SGSM1: variants seen among roughly 807,000 people sequenced by gnomAD.
SGSM1 encodes small G protein signaling modulator 1.
SGSM1 carries 73 observed loss-of-function variants against 133.8 expected under a neutral mutation model. The observed-to-expected ratio is 0.55, with a 90% CI of 0.45 to 0.66. The LOEUF (loss-of-function observed/expected upper bound fraction) is 0.66, where lower values mean the gene tolerates loss of function less well. Among genes scored for constraint, SGSM1 ranks in the 30% least tolerant of loss-of-function variants. SGSM1 has a pLI of 0.00. For synonymous variants in SGSM1, 563 were observed against 573.0 expected, an observed-to-expected ratio of 0.98 and a Z score of 0.25; for missense variants, 1,213 against 1,448.1, an observed-to-expected ratio of 0.84 and a Z score of 2.64.
At chr22:24,861,628 A>G (rs1393345034) in intron 9 of SGSM1, among the ~76,000 whole-genome samples, 1 of 149,416 alleles carries the variant, frequency 6.7e-6, no homozygotes, top group Admixed American at 6.7e-5. Flanking sequence ...GCTCACTGCA[A>G]CCTCTGCTTC....
intron 2 of SGSM1, among the ~76,000 whole-genome samples, chr22:24,808,530 C>T (rs1230876443): frequency 4.6e-5 from 7 of 152,134 alleles, no homozygotes; most frequent in Non-Finnish European, 8.8e-5. Context: ...ACCAGACCTA[C>T]GTGTAATATG....
chr22:24,850,461 A>G (rs777110193), intron 5 of SGSM1, 29 bp downstream of exon 5: 27 of 1,610,346 alleles, frequency 1.7e-5, no homozygotes, highest in African/African-American at 8.0e-5. Flanking sequence ...ACACCTGGCC[A>G]TGCTCTGCCC....
In SGSM1 at chr22:24,836,459, G is replaced by A. The variant is rs141333441; in HGVS notation, c.64-8438G>A. Among the ~76,000 whole-genome samples the A allele has an allele frequency of 3.2e-4, 49 of 152,282 alleles. 1 individual carries two copies. The East Asian group carries it at 4.4e-3, about 14-fold the overall frequency. ...GAGACTCTGCCTTCAGTTCTTTTGG[G>A]TGTATGCCCAGAAGTGGAATGACTG... is the stretch of plus-strand genomic sequence containing the variant. On this transcript the variant is annotated intron_variant, in intron 2 of 24. Transcript: ENST00000400358.
At chr22:24,899,393 C>A (rs1933040050) in intron 19 of SGSM1, among the ~76,000 whole-genome samples, 1 of 152,114 alleles carries the variant, frequency 6.6e-6, no homozygotes, top group South Asian at 2.1e-4. Flanking sequence ...TTATCATTCA[C>A]AATCTTCCTC....
chr22:24,914,170 A>G (rs1933732819), intron 22 of SGSM1, among the ~76,000 whole-genome samples: 1 of 151,856 alleles, frequency 6.6e-6, no homozygotes, highest in African/African-American at 2.4e-5. Context: ...GCGGGTGCCT[A>G]AAGTCCCAGC....
chr22:24,870,422 T>C (rs1349235416), intron 12 of SGSM1, among the ~76,000 whole-genome samples: 2 of 152,210 alleles, frequency 1.3e-5, no homozygotes, highest in African/African-American at 2.4e-5. Flanking sequence ...TATAGTTGCC[T>C]TCCCAGGAAA....
At chr22:24,892,930 G>A (rs373604326) in intron 16 of SGSM1, among the ~76,000 whole-genome samples, 14 of 151,036 alleles carry the variant, frequency 9.3e-5, no homozygotes, top group Non-Finnish European at 1.6e-4. Flanking sequence ...GCGTGGTGGC[G>A]CATGCCTGTA....
chr22:24,817,926 C>T (rs191902321), intron 2 of SGSM1, among the ~76,000 whole-genome samples: 17 of 152,208 alleles, frequency 1.1e-4, no homozygotes, highest in African/African-American at 4.1e-4. Context: ...TCTTTGGGGT[C>T]TCTTTTATAA....
chr22:24,924,693 A>G lies in SGSM1; in HGVS notation c.*419A>G, dbSNP rs949979465. ...AGAAGAGGTGTGTGGGGCTACCTCTATGCTCCTCTGCAAGGGGCCTTTGGC... is the reference window on the plus strand; with the variant it reads ...AGAAGAGGTGTGTGGGGCTACCTCTGTGCTCCTCTGCAAGGGGCCTTTGGC... On this transcript the variant is annotated 3_prime_UTR_variant, in exon 25 of 25. Coordinates refer to ENST00000400358, the MANE Select transcript of SGSM1 (RefSeq NM_001098497.3). 5.6e-5 allele frequency: 11 copies of G among 196,628 alleles called. No individual in the cohort carries two copies. Among genetic ancestry groups the G allele is most frequent in the Non-Finnish European group, 1.0e-4 (10 of 95,600 alleles). The allele number at this position is 196,628 out of a possible 1,614,324, so 12.2% of individuals were successfully genotyped here. A position where few individuals can be genotyped will look rare whatever the true frequency, so the allele number is the denominator to read the frequency against.
intron 4 of SGSM1, among the ~76,000 whole-genome samples, chr22:24,850,042 T>A (rs1930366547): frequency 1.3e-5 from 2 of 152,096 alleles, no homozygotes; most frequent in African/African-American, 2.4e-5. Flanking sequence ...GTGGGGGGTA[T>A]CAGTATGAGA....
At chr22:24,914,634 A>G (rs777114779) in intron 22 of SGSM1, among the ~76,000 whole-genome samples, 4 of 152,178 alleles carry the variant, frequency 2.6e-5, no homozygotes, top group Non-Finnish European at 5.9e-5. Context: ...CAATATATGC[A>G]TATATTCCTA....
intron 10 of SGSM1, among the ~76,000 whole-genome samples, chr22:24,867,558 G>A (rs971339903): frequency 9.9e-5 from 15 of 152,194 alleles, no homozygotes; most frequent in Admixed American, 2.0e-4. Context: ...TGGAGGAGAG[G>A]AAGCAGCTTA....
At chr22:24,841,046 T>G (rs1371027528) in intron 2 of SGSM1, among the ~76,000 whole-genome samples, 4 of 152,000 alleles carry the variant, frequency 2.6e-5, no homozygotes, top group Non-Finnish European at 2.9e-5. Context: ...GAGACGGGGT[T>G]TCACCGTGTT....
chr22:24,895,076 C>T (rs968163280), intron 17 of SGSM1, 147 bp from the exon 18 acceptor site: 2 of 774,606 alleles, frequency 2.6e-6, no homozygotes, highest in Non-Finnish European at 4.3e-6. Context: ...CATTTTACAG[C>T]TAGGAAACTG....
intron 9 of SGSM1, among the ~76,000 whole-genome samples, chr22:24,860,911 AAAAAAAAAAAAATATATAT>A (rs1414762403): frequency 6.1e-5 from 7 of 114,168 alleles, no homozygotes; most frequent in African/African-American, 2.4e-4. Flanking sequence ...AAAAAAAAAA[AAAAAAAAAAAAATATATAT>A]ATATATATAT....
intron 21 of SGSM1, among the ~76,000 whole-genome samples, chr22:24,907,448 G>C (rs1430944475): frequency 6.6e-6 from 1 of 152,014 alleles, no homozygotes; most frequent in Non-Finnish European, 1.5e-5. Context: ...ACTTAGTGTT[G>C]TTAAGGTAGC....
intron 16 of SGSM1, among the ~76,000 whole-genome samples, chr22:24,892,699 A>C (rs760009300): frequency 6.6e-6 from 1 of 151,982 alleles, no homozygotes; most frequent in African/African-American, 2.4e-5. Context: ...GAGTGAATGA[A>C]TGGATGAATG....
intron 15 of SGSM1, 51 bp downstream of exon 15, chr22:24,884,249 T>A: frequency 6.4e-7 from 1 of 1,561,002 alleles, no homozygotes. Context: ...TGCAGGGGGG[T>A]CATCTTATTA....
chr22:24,922,179 C>CTTT (rs140795501), intron 24 of SGSM1, among the ~76,000 whole-genome samples: 630 of 106,880 alleles, frequency 5.9e-3, no homozygotes, highest in African/African-American at 7.4e-3. Flanking sequence ...CACTTACTTT[C>CTTT]TTTTTTTTTT....
Sources: gnomAD v4.1 joint callset for allele counts (sites outside exome capture counted in the v4.1 genomes callset) on GRCh38, gnomAD v4.1.1 for gene constraint, MANE v1.5 for transcripts, NCBI Gene and HGNC (gene_info 2026-07-23, HGNC 2026-07-21) for gene names.